The following PTPRS variants were observed in gnomAD, a reference collection of about 807,000 sequenced individuals.
PTPRS encodes receptor-type tyrosine-protein phosphatase S.
In PTPRS, 63 loss-of-function variants were observed where a neutral mutation model predicts 215.3. That is an observed-to-expected ratio of 0.29 (90% CI 0.24 to 0.36). The LOEUF is 0.36. Ranked by LOEUF, PTPRS falls within the 10% of genes least tolerant of loss-of-function variation. PTPRS has a pLI of 1.00. For missense variants in PTPRS, 2,258 were observed against 2,825.8 expected, an observed-to-expected ratio of 0.80 and a Z score of 4.56; for synonymous variants, 1,404 against 1,191.4, an observed-to-expected ratio of 1.18 and a Z score of -3.68.
In PTPRS at chr19:5,214,405, T is replaced by A; in HGVS notation, c.4570A>T (p.Ile1524Phe). 6.2e-7 allele frequency: 1 copy of A among 1,614,152 alleles called. No individual in the cohort carries two copies. The highest frequency in any genetic ancestry group is 8.5e-7 in the Non-Finnish European group (1 of 1,180,024). ...GFIQVTLLDT[I>F]ELATFCVRTF... Reference sequence around the variant, plus strand: ...CTGACGCAGAATGTGGCCAGCTCGATGGTATCTAGCAACGTGACCTGGATG... The same window carrying A: ...CTGACGCAGAATGTGGCCAGCTCGAAGGTATCTAGCAACGTGACCTGGATG... Residue 1524 changes from isoleucine to phenylalanine, a missense_variant, in exon 30 of 38, where the codon ATC becomes TTC. Ile to Phe is a conservative substitution (Grantham distance 21, BLOSUM62 0). Coordinates refer to ENST00000262963, the MANE Select transcript of PTPRS (RefSeq NM_002850.4).
intron 1 of PTPRS, among the ~76,000 whole-genome samples, chr19:5,318,977 C>G (rs924823143): frequency 1.3e-5 from 2 of 152,178 alleles, no homozygotes; most frequent in Non-Finnish European, 2.9e-5. Flanking sequence ...AAGGGCCTGG[C>G]CTGCCCTCCC....
chr19:5,255,762 C>T (rs1460626079), intron 9 of PTPRS, among the ~76,000 whole-genome samples: 1 of 152,152 alleles, frequency 6.6e-6, no homozygotes, highest in African/African-American at 2.4e-5. Context: ...GTTACCATGA[C>T]GACGAGGAGT....
rs974735644 is a variant in PTPRS, at chr19:5,216,887, G to GC, written c.4049-121_4049-120insG. 1.9e-4 allele frequency: 123 copies of GC among 663,980 alleles called. 1 individual carries two copies. In the East Asian group the frequency reaches 3.2e-3, roughly 17 times the overall value. The allele number at this position is 663,980 out of a possible 1,614,324, so 41.1% of individuals were successfully genotyped here. Reference sequence around the variant, plus strand: ...AAAGGGCAGAGCAACGCGGACAACGGGGGGTATGTACAGCCACCTGGGCCC... The same window carrying GC: ...AAAGGGCAGAGCAACGCGGACAACGGCGGGGTATGTACAGCCACCTGGGCCC... On this transcript the variant is annotated intron_variant, in intron 25 of 37. Transcript: ENST00000262963.
rs571756432 is a variant in PTPRS, at chr19:5,264,110, C to T, written c.568+898G>A. On this transcript the variant is annotated intron_variant, in intron 5 of 37. Transcript: ENST00000262963. ...CTCCCTAGCCCAGCCAGGGCCTGAA[C>T]AGACAGGCTGGACTGCCCGTCTGTG... Among the ~76,000 whole-genome samples the T allele has an allele frequency of 1.3e-5, 2 of 152,226 alleles. 1 individual carries two copies. The highest frequency in any genetic ancestry group is 4.2e-4 in the South Asian group (2 of 4,814).
At chr19:5,273,144 T>C (rs2047062881) in intron 4 of PTPRS, 2 of 411,300 alleles carry the variant, frequency 4.9e-6, no homozygotes, top group Non-Finnish European at 9.0e-6. Context: ...ATCAATTACC[T>C]TTCTCGCTTG....
At chr19:5,238,820 C>T (rs2043716335) in intron 13 of PTPRS, 99 bp downstream of exon 13, 1 of 1,422,410 alleles carries the variant, frequency 7.0e-7, no homozygotes. Flanking sequence ...GCCCCCCACC[C>T]ACTGCAGCAG....
intron 4 of PTPRS, among the ~76,000 whole-genome samples, chr19:5,265,825 G>A (rs750404852): frequency 5.3e-5 from 8 of 151,774 alleles, no homozygotes; most frequent in Admixed American, 1.3e-4. Context: ...GGACTGGGTG[G>A]GGCTGAGAGA....
chr19:5,268,341 G>C (rs1331085076), intron 4 of PTPRS, among the ~76,000 whole-genome samples: 1 of 152,050 alleles, frequency 6.6e-6, no homozygotes, highest in Non-Finnish European at 1.5e-5. Flanking sequence ...TGGTGGTCTG[G>C]AGAAAAAGTG....
At chr19:5,241,391 C>T (rs1435220276) in intron 11 of PTPRS, among the ~76,000 whole-genome samples, 1 of 151,902 alleles carries the variant, frequency 6.6e-6, no homozygotes, top group African/African-American at 2.4e-5. Flanking sequence ...TCAGGTGATC[C>T]TCTCGCCTCA....
At position 5,244,058 on chromosome 19, in the gene PTPRS, G is replaced by A. The variant is rs769732471; in HGVS notation, c.1413C>T (p.Pro471=). The change falls in exon 11 of 38, where the codon CCC becomes CCT. Residue 471 remains proline (P), a synonymous_variant. Coordinates refer to ENST00000262963, the MANE Select transcript of PTPRS (RefSeq NM_002850.4). The surrounding 1 kb of genome is among the most constrained non-coding windows in gnomAD (Gnocchi z 7.2). ...CGTTGTGCTTCTGCCAGTTGCCCAC[G>A]GGGTGCTCCGGTTCCATGGTGTAGT... ...RVYYTMEPEH[P]VGNWQKHNVD... is the part of the protein sequence containing the mutation. 2.5e-5 allele frequency: 41 copies of A among 1,610,512 alleles called. No homozygotes were observed. Among genetic ancestry groups the A allele is most frequent in the South Asian group, 3.3e-5 (3 of 91,076 alleles).
intron 1 of PTPRS, among the ~76,000 whole-genome samples, chr19:5,288,414 TG>T (rs1462546268): frequency 1.3e-5 from 2 of 152,186 alleles, no homozygotes; most frequent in Non-Finnish European, 2.9e-5. Flanking sequence ...CACAACCAGT[TG>T]GGGACTGGGA....
At chr19:5,311,578 C>A (rs1033444223) in intron 1 of PTPRS, among the ~76,000 whole-genome samples, 1 of 152,084 alleles carries the variant, frequency 6.6e-6, no homozygotes, top group African/African-American at 2.4e-5. Context: ...TGGGTGGAGG[C>A]TGGGGGTGGG....
intron 1 of PTPRS, among the ~76,000 whole-genome samples, chr19:5,324,226 C>CAAAA (rs55793961): frequency 1.4e-3 from 105 of 72,950 alleles, no homozygotes; most frequent in Middle Eastern, 8.3e-3. Flanking sequence ...AACCCTGCCT[C>CAAAA]AAAAAAAAAA....
intron 24 of PTPRS, 83 bp from the exon 25 acceptor site, chr19:5,218,615 G>C (rs1247902999): frequency 2.0e-6 from 3 of 1,526,226 alleles, no homozygotes; most frequent in Non-Finnish European, 2.7e-6. Context: ...AGGAATGCAT[G>C]GTAAGAAAAG....
chr19:5,214,858 G>C (rs748170027), intron 28 of PTPRS, 122 bp from the exon 29 acceptor site: 1 of 1,046,048 alleles, frequency 9.6e-7, no homozygotes, highest in Non-Finnish European at 1.4e-6. Flanking sequence ...AGGTGACCAT[G>C]GGACGTGTAC....
chr19:5,331,413 G>A (rs1043520308), intron 1 of PTPRS, among the ~76,000 whole-genome samples: 3 of 152,096 alleles, frequency 2.0e-5, no homozygotes, highest in Non-Finnish European at 4.4e-5. Context: ...GATTATGGAC[G>A]TGAGCCACCA....
intron 17 of PTPRS, among the ~76,000 whole-genome samples, chr19:5,225,364 A>G (rs1295529489): frequency 6.6e-6 from 1 of 152,150 alleles, no homozygotes; most frequent in Non-Finnish European, 1.5e-5. Flanking sequence ...GGCCAGGTGT[A>G]CCTTGAGCTG....
At chr19:5,239,733 CAG>C (rs1215500909) in intron 12 of PTPRS, among the ~76,000 whole-genome samples, 1 of 149,894 alleles carries the variant, frequency 6.7e-6, no homozygotes, top group Non-Finnish European at 1.5e-5. Context: ...GAAACAGATA[CAG>C]AGACAGAGAC....
chr19:5,229,802 G>A, intron 14 of PTPRS, 118 bp from the exon 15 acceptor site: 1 of 608,174 alleles, frequency 1.6e-6, no homozygotes, highest in Non-Finnish European at 2.4e-6. Context: ...GTGAATAACT[G>A]GGCGCTCTTA....
Sources: gnomAD v4.1 joint callset for allele counts (sites outside exome capture counted in the v4.1 genomes callset) on GRCh38, gnomAD v4.1.1 for gene constraint, Gnocchi (gnomAD v3.1) non-coding constraint, MANE v1.5 for transcripts, NCBI Gene and HGNC (gene_info 2026-07-23, HGNC 2026-07-21) for gene names.